The following ANO2 variants were observed in gnomAD, a reference collection of about 807,000 sequenced individuals.
ANO2 encodes the protein anoctamin-2.
In ANO2, 101 loss-of-function variants were observed where a neutral mutation model predicts 124.2. The ratio of observed to expected loss-of-function variants is 0.81; its 90% CI spans 0.69 to 0.96. ANO2 has a LOEUF of 0.96. Among genes scored for constraint, ANO2 ranks in the 40% least tolerant of loss-of-function variants. The pLI is 0.00. For synonymous variants in ANO2, 486 were observed against 482.5 expected, an observed-to-expected ratio of 1.01 and a Z score of -0.09; for missense variants, 1,293 against 1,274.5, an observed-to-expected ratio of 1.01 and a Z score of -0.22.
chr12:5,907,862 G>A (rs76697832), intron 3 of ANO2, among the ~76,000 whole-genome samples: 1,526 of 152,218 alleles, frequency 0.01, 33 homozygotes, highest in African/African-American at 0.033. Context: ...TTGCTACATC[G>A]TGCTCCTGGG....
rs1411381413 is a variant in ANO2 at position 5,880,860 on chromosome 12, ATGGATGAGTGGATGGG to A, written c.535-26735_535-26720del. ...GATGGGTGGGTGGGTGGGTGGATAG[ATGGATGAGTGGATGGG>A]TGGATGAGTGGATGGGTAGGTGGGG... On this transcript the variant is annotated intron_variant, in intron 3 of 24. Coordinates refer to ENST00000682330, the MANE Select transcript of ANO2 (RefSeq NM_001364791.2). Among the ~76,000 whole-genome samples, 231 of 144,822 alleles carry A rather than the reference ATGGATGAGTGGATGGG, an allele frequency of 1.6e-3. 2 individuals are homozygous for A. Among genetic ancestry groups the A allele is most frequent in the African/African-American group, 5.8e-3 (219 of 38,014 alleles).
chr12:5,686,851 C>A (rs1948732746), intron 14 of ANO2, among the ~76,000 whole-genome samples: 1 of 152,210 alleles, frequency 6.6e-6, no homozygotes, highest in African/African-American at 2.4e-5. Context: ...CACTATGAGC[C>A]CACCTTGTCA....
chr12:5,590,312 T>C (rs1427334263), intron 20 of ANO2, among the ~76,000 whole-genome samples: 1 of 152,120 alleles, frequency 6.6e-6, no homozygotes, highest in Non-Finnish European at 1.5e-5. Context: ...AGCCAGAAGA[T>C]TGGACACCCC....
intron 3 of ANO2, among the ~76,000 whole-genome samples, chr12:5,892,464 G>T (rs2136273488): frequency 6.6e-6 from 1 of 152,228 alleles, no homozygotes; most frequent in East Asian, 1.9e-4. Flanking sequence ...TAAACTCAAA[G>T]AAATTCACAC....
In ANO2 at chr12:5,715,969, C is replaced by G. The variant is rs566533080; in HGVS notation, c.1545+16551G>C. Among the ~76,000 whole-genome samples, 3 of 152,172 alleles carry G rather than the reference C, an allele frequency of 2.0e-5. No homozygotes were observed. The East Asian group carries it at 5.8e-4, about 29-fold the overall frequency. On this transcript the variant is annotated intron_variant, in intron 14 of 24. Coordinates refer to ENST00000682330, the MANE Select transcript of ANO2 (RefSeq NM_001364791.2). ...CAACTATTGAAATAATATTAATAAA[C>G]CATATTTAATAAGATTGACAACTTC...
chr12:5,605,792 A>C (rs1211890581), intron 19 of ANO2, among the ~76,000 whole-genome samples: 3 of 152,194 alleles, frequency 2.0e-5, no homozygotes, highest in African/African-American at 7.2e-5. Context: ...CCATGGATTC[A>C]GATAATAAAT....
chr12:5,719,679 G>A (rs1484743467), intron 14 of ANO2, among the ~76,000 whole-genome samples: 3 of 152,206 alleles, frequency 2.0e-5, no homozygotes, highest in African/African-American at 4.8e-5. Context: ...CTCCAGAACT[G>A]TGAGAAATAA....
intron 3 of ANO2, among the ~76,000 whole-genome samples, chr12:5,920,036 AATGGATGGATGGATGGATGG>A (rs558209463): frequency 5.2e-4 from 76 of 145,630 alleles, no homozygotes; most frequent in Non-Finnish European, 7.0e-4. Context: ...GGTGTGGATA[AATGGATGGATGGATGGATGG>A]ATGGATGGAT....
chr12:5,868,968 T>A (rs1955502624), intron 3 of ANO2, among the ~76,000 whole-genome samples: 1 of 152,074 alleles, frequency 6.6e-6, no homozygotes, highest in South Asian at 2.1e-4. Flanking sequence ...TGCAAGGAAC[T>A]CCAACTGTGG....
At chr12:5,601,717 C>T (rs1314407429) in intron 19 of ANO2, among the ~76,000 whole-genome samples, 1 of 152,074 alleles carries the variant, frequency 6.6e-6, no homozygotes, top group African/African-American at 2.4e-5. Context: ...TATATTTATC[C>T]ACTTCTGAAA....
At chr12:5,843,381 C>T (rs938878311) in intron 4 of ANO2, among the ~76,000 whole-genome samples, 11 of 152,084 alleles carry the variant, frequency 7.2e-5, no homozygotes, top group African/African-American at 1.4e-4. Context: ...GAAACCCTGT[C>T]TCTAGTAAAA....
intron 14 of ANO2, among the ~76,000 whole-genome samples, chr12:5,660,191 C>G (rs181500729): frequency 6.6e-6 from 1 of 152,192 alleles, no homozygotes; most frequent in Admixed American, 6.5e-5. Context: ...TCCACCATAA[C>G]CCCACTGTAA....
chr12:5,757,717 A>G (rs1951620712), intron 10 of ANO2, among the ~76,000 whole-genome samples: 2 of 152,258 alleles, frequency 1.3e-5, no homozygotes, highest in South Asian at 4.1e-4. Context: ...AGAGAGCTGA[A>G]GTTGTAAGGT....
At chr12:5,705,448 G>A (rs186401632) in intron 14 of ANO2, among the ~76,000 whole-genome samples, 330 of 152,212 alleles carry the variant, frequency 2.2e-3, no homozygotes, top group African/African-American at 7.6e-3. Flanking sequence ...ACTTCCCCTC[G>A]TCACCCACCA....
intron 4 of ANO2, among the ~76,000 whole-genome samples, chr12:5,852,481 T>C (rs987327877): frequency 1.3e-5 from 2 of 152,228 alleles, no homozygotes; most frequent in Non-Finnish European, 2.9e-5. Context: ...GTGGAGTTAT[T>C]GTCCATTGTA....
At chr12:5,821,023 C>T (rs531593559) in intron 7 of ANO2, among the ~76,000 whole-genome samples, 2 of 152,318 alleles carry the variant, frequency 1.3e-5, no homozygotes, top group South Asian at 4.1e-4. Context: ...ATCAACTCTC[C>T]AGCTTTGTGT....
At chr12:5,682,754 C>T (rs1214492150) in intron 14 of ANO2, among the ~76,000 whole-genome samples, 1 of 152,222 alleles carries the variant, frequency 6.6e-6, no homozygotes, top group Non-Finnish European at 1.5e-5. Flanking sequence ...TACATGTCTA[C>T]CGCCATGCCA....
intron 10 of ANO2, among the ~76,000 whole-genome samples, chr12:5,760,927 A>G (rs758178016): frequency 6.6e-6 from 1 of 152,130 alleles, no homozygotes; most frequent in Non-Finnish European, 1.5e-5. Context: ...CCAGGAAATC[A>G]GTCGAACACG....
intron 7 of ANO2, among the ~76,000 whole-genome samples, chr12:5,816,050 T>C (rs1037674883): frequency 1.3e-5 from 2 of 152,102 alleles, no homozygotes; most frequent in Non-Finnish European, 2.9e-5. Flanking sequence ...GTAAGTTGGT[T>C]GCAAAAGAAA....
Sources: gnomAD v4.1 joint callset for allele counts (sites outside exome capture counted in the v4.1 genomes callset) on GRCh38, gnomAD v4.1.1 for gene constraint, MANE v1.5 for transcripts, NCBI Gene and HGNC (gene_info 2026-07-23, HGNC 2026-07-21) for gene names.